The following LINGO1 variants were observed in gnomAD, a reference collection of about 807,000 sequenced individuals.
The protein encoded by LINGO1 is leucine-rich repeat and immunoglobulin-like domain-containing nogo receptor-interacting protein 1.
LINGO1 carries 11 observed loss-of-function variants against 37.3 expected under a neutral mutation model. The ratio of observed to expected loss-of-function variants is 0.29; its 90% CI spans 0.19 to 0.49. The LOEUF (loss-of-function observed/expected upper bound fraction) is 0.49. LINGO1 is among the 20% of genes least tolerant of loss of function. LINGO1 has a pLI of 0.99. For synonymous variants in LINGO1, 387 were observed against 403.0 expected, an observed-to-expected ratio of 0.96 and a Z score of 0.48; for missense variants, 585 against 878.2, an observed-to-expected ratio of 0.67 and a Z score of 4.22.
intron 1 of LINGO1, among the ~76,000 whole-genome samples, chr15:77,765,417 A>G (rs1412888768): frequency 1.3e-5 from 2 of 151,650 alleles, no homozygotes; most frequent in African/African-American, 4.8e-5. Flanking sequence ...TGTGTCTCAA[A>G]AAAAAAAAAA....
intron 3 of LINGO1, among the ~76,000 whole-genome samples, chr15:77,663,696 G>A (rs563891717): frequency 3.9e-5 from 6 of 152,276 alleles, no homozygotes; most frequent in Non-Finnish European, 7.4e-5. Context: ...GTGGGGGTGC[G>A]CTTACACGCC....
chr15:77,625,158 G>C (rs2074050499), intron 1 of LINGO1, among the ~76,000 whole-genome samples: 1 of 152,184 alleles, frequency 6.6e-6, no homozygotes, highest in Admixed American at 6.5e-5. Context: ...CTTGTGCTTG[G>C]GGTGGGGGGT....
intron 1 of LINGO1, among the ~76,000 whole-genome samples, chr15:77,800,168 G>C (rs1316935815): frequency 2.0e-5 from 3 of 152,230 alleles, no homozygotes; most frequent in Admixed American, 6.5e-5. Context: ...TCCAGAGAGA[G>C]AACCAGGCCA....
intron 3 of LINGO1, chr15:77,647,960 C>T (rs1261976547): frequency 1.3e-5 from 6 of 456,342 alleles, no homozygotes; most frequent in South Asian, 9.3e-5. Flanking sequence ...GATGGATGGA[C>T]AGTGAGATAT....
intron 1 of LINGO1, chr15:77,819,675 T>C (rs1476158783): frequency 6.6e-6 from 1 of 150,474 alleles, no homozygotes; most frequent in African/African-American, 2.4e-5. Context: ...GGCCGGAGCC[T>C]GCGGAGCGCG....
intron 3 of LINGO1, among the ~76,000 whole-genome samples, chr15:77,660,422 A>T (rs1408900005): frequency 6.6e-6 from 1 of 152,186 alleles, no homozygotes; most frequent in Non-Finnish European, 1.5e-5. Context: ...CCACCCTTGC[A>T]GGCATCTCAT....
chr15:77,756,201 T>A (rs1291216010), intron 1 of LINGO1, among the ~76,000 whole-genome samples: 2 of 152,138 alleles, frequency 1.3e-5, no homozygotes, highest in Non-Finnish European at 2.9e-5. Context: ...AGGGTCCTGA[T>A]CTCTGCATCC....
upstream of LINGO1, among the ~76,000 whole-genome samples, chr15:77,637,467 C>T (rs2074418152): frequency 6.6e-6 from 1 of 152,214 alleles, no homozygotes; most frequent in Non-Finnish European, 1.5e-5. This position sits in a 1 kb window ranked among gnomAD's most constrained non-coding sequence, Gnocchi z 4.6. Flanking sequence ...GAGAACCTCA[C>T]CTTCCCCTCG....
At chr15:77,727,620 AT>A (rs1238168465) in intron 2 of LINGO1, among the ~76,000 whole-genome samples, 8 of 152,266 alleles carry the variant, frequency 5.3e-5, no homozygotes, top group Admixed American at 2.0e-4. Context: ...TGGATACAGA[AT>A]TTTGGTCATG....
In LINGO1 at chr15:77,613,326, G is replaced by T. The variant is rs2073570289; in HGVS notation, c.*718C>A. On this transcript the variant is annotated 3_prime_UTR_variant, in exon 2 of 2. Coordinates refer to ENST00000355300, the MANE Select transcript of LINGO1 (RefSeq NM_032808.7). Reference sequence around the variant, plus strand: ...AGAGTCTCAGCCACACCCAAGCCAGGCTCCCACCCCTTGCAGTGGTGCCGC... The same window carrying T: ...AGAGTCTCAGCCACACCCAAGCCAGTCTCCCACCCCTTGCAGTGGTGCCGC... 6.6e-6 allele frequency: 1 copy of T among 152,442 alleles called. No individual in the cohort carries two copies. The highest frequency in any genetic ancestry group is 2.1e-4 in the South Asian group (1 of 4,832). The allele number at this position is 152,442 out of a possible 1,614,324, so 9.4% of individuals were successfully genotyped here.
intron 3 of LINGO1, among the ~76,000 whole-genome samples, chr15:77,668,711 G>A (rs2075187163): frequency 6.6e-6 from 1 of 151,242 alleles, no homozygotes; most frequent in Non-Finnish European, 1.5e-5. Context: ...AGAGACACAC[G>A]TGGAAACACA....
intron 2 of LINGO1, among the ~76,000 whole-genome samples, chr15:77,690,045 C>T (rs973155737): frequency 4.6e-5 from 7 of 152,180 alleles, no homozygotes; most frequent in South Asian, 2.1e-4. Flanking sequence ...ATACACAGCA[C>T]GTCCACATCC....
chr15:77,797,941 A>G (rs1331747963), intron 1 of LINGO1, among the ~76,000 whole-genome samples: 1 of 152,206 alleles, frequency 6.6e-6, no homozygotes, highest in South Asian at 2.1e-4. Flanking sequence ...GTCTTCATAT[A>G]TTATGGGCTG....
chr15:77,741,237 C>A (rs965614741), intron 1 of LINGO1, among the ~76,000 whole-genome samples: 1 of 152,228 alleles, frequency 6.6e-6, no homozygotes, highest in Middle Eastern at 3.2e-3. Flanking sequence ...GCTTCTTTGC[C>A]TTCTAGGCTT....
intron 1 of LINGO1, among the ~76,000 whole-genome samples, chr15:77,816,972 GCT>G (rs1032889243): frequency 1.8e-5 from 1 of 56,700 alleles, no homozygotes; most frequent in African/African-American, 3.2e-5. Context: ...AGGAAGAGGA[GCT>G]GAGAGAGAGA....
chr15:77,774,376 C>T lies in LINGO1; in HGVS notation c.-257+12493G>A, dbSNP rs978422209. Among the ~76,000 whole-genome samples the T allele has an allele frequency of 2.2e-4, 33 of 152,198 alleles. 1 individual carries two copies. Among genetic ancestry groups the T allele is most frequent in the Admixed American group, 1.3e-3 (20 of 15,294 alleles). On this transcript the variant is annotated intron_variant, in intron 1 of 3. Transcript: ENST00000561686. The stretch of plus-strand genomic sequence containing the variant: ...GGCCTATCTCCCCTCAAGCACCTTC[C>T]GATCAGATTCCACCTCAGAATCGAG...
At chr15:77,796,957 C>T (rs149586282) in intron 1 of LINGO1, among the ~76,000 whole-genome samples, 125 of 152,350 alleles carry the variant, frequency 8.2e-4, no homozygotes, top group African/African-American at 2.9e-3. Context: ...CTGCCTTGAC[C>T]TCCCGCAGTG....
chr15:77,713,210 T>TTGTGTG (rs57831674), intron 2 of LINGO1, among the ~76,000 whole-genome samples: 17,391 of 123,534 alleles, frequency 0.14, 1,402 homozygotes, highest in Non-Finnish European at 0.17. Flanking sequence ...GCCCAGCTAA[T>TTGTGTG]TGTGTGTGTG....
intron 2 of LINGO1, among the ~76,000 whole-genome samples, chr15:77,689,287 A>T (rs182767899): frequency 6.6e-6 from 1 of 150,508 alleles, no homozygotes; most frequent in Non-Finnish European, 1.5e-5. Flanking sequence ...CTATGGTAGG[A>T]GGCACCGGGG....
Sources: allele counts gnomAD v4.1 joint callset (sites outside exome capture counted in the v4.1 genomes callset), GRCh38; gene constraint gnomAD v4.1.1; non-coding constraint Gnocchi (gnomAD v3.1); transcripts MANE v1.5; gene names NCBI Gene and HGNC (gene_info 2026-07-23, HGNC 2026-07-21).